The following CSTF3 variants were observed in gnomAD, a reference collection of about 807,000 sequenced individuals.
CSTF3 encodes the protein CF-1 77 kDa subunit.
Under a neutral mutation model 105.8 loss-of-function variants are expected in CSTF3, and 29 were observed. The observed-to-expected ratio is 0.27, with a 90% CI of 0.20 to 0.37. The LOEUF is 0.37. Ranked by LOEUF, CSTF3 falls within the 10% of genes least tolerant of loss-of-function variation. CSTF3 has a pLI of 1.00. For synonymous variants in CSTF3, 252 were observed against 281.9 expected, an observed-to-expected ratio of 0.89 and a Z score of 1.06; for missense variants, 357 against 879.3, an observed-to-expected ratio of 0.41 and a Z score of 7.51.
At position 33,161,446 on chromosome 11, in the gene CSTF3, A is replaced by T; in HGVS notation, c.-121T>A. The T allele has an allele frequency of 9.9e-7, 1 of 1,009,592 alleles. No individual in the cohort carries two copies. The highest frequency in any genetic ancestry group is 1.5e-6 in the Non-Finnish European group (1 of 662,188). 62.5% of individuals were successfully genotyped at this position (1,009,592 alleles called of 1,614,324 possible). A position where few individuals can be genotyped will look rare whatever the true frequency, so the allele number is the denominator to read the frequency against. ...CCCTGCCCAGCTGAGCCAGACCGCC[A>T]ACACCAATCGCCACCGCCCACTCAA... is the stretch of plus-strand genomic sequence containing the variant. On this transcript the variant is annotated 5_prime_UTR_variant, in exon 1 of 21. Coordinates refer to ENST00000323959, the MANE Select transcript of CSTF3 (RefSeq NM_001326.3).
intron 3 of CSTF3, among the ~76,000 whole-genome samples, chr11:33,131,089 T>C (rs1176076443): frequency 1.3e-5 from 2 of 152,198 alleles, no homozygotes; most frequent in Admixed American, 6.5e-5. Context: ...TACAAAGATT[T>C]GCCCCTTTTG....
intron 1 of CSTF3, among the ~76,000 whole-genome samples, 188 bp from the exon 2 acceptor site, chr11:33,142,174 G>A (rs1013198101): frequency 7.3e-5 from 11 of 151,664 alleles, no homozygotes; most frequent in Admixed American, 2.6e-4. Flanking sequence ...TGTGGGCTCC[G>A]CATCCTTATA....
chr11:33,122,878 G>A (rs1480571956), intron 3 of CSTF3, among the ~76,000 whole-genome samples: 1 of 131,824 alleles, frequency 7.6e-6, no homozygotes, highest in Non-Finnish European at 1.5e-5. Context: ...ATCACACACT[G>A]CACTCCAGCC....
chr11:33,125,926 A>C (rs1590276200), intron 3 of CSTF3, among the ~76,000 whole-genome samples: 1 of 152,198 alleles, frequency 6.6e-6, no homozygotes, highest in East Asian at 1.9e-4. Flanking sequence ...AATGTTAATA[A>C]GACATTCTTA....
At chr11:33,105,816 A>G in intron 7 of CSTF3, 67 bp downstream of exon 7, 2 of 1,518,102 alleles carry the variant, frequency 1.3e-6, no homozygotes, top group South Asian at 2.4e-5. Flanking sequence ...AGATTTCTCA[A>G]AGAACTAAAA....
At chr11:33,159,532 G>GC (rs899213367) in intron 1 of CSTF3, among the ~76,000 whole-genome samples, 4 of 142,216 alleles carry the variant, frequency 2.8e-5, no homozygotes, top group African/African-American at 1.1e-4. Context: ...GGAGGCGGAG[G>GC]CTGCAGTAAG....
chr11:33,126,291 C>T (rs756775822), intron 3 of CSTF3, among the ~76,000 whole-genome samples: 5 of 152,034 alleles, frequency 3.3e-5, no homozygotes, highest in African/African-American at 4.8e-5. Flanking sequence ...CTTGTCTCTA[C>T]AATTAATCAG....
At position 33,100,600 on chromosome 11, in the gene CSTF3, A is replaced by T. The variant is rs1855271913; in HGVS notation, c.827-883T>A. 2.6e-5 allele frequency among the ~76,000 whole-genome samples: 4 copies of T among 152,192 alleles called. No homozygotes were observed. The South Asian group carries it at 8.3e-4, about 32-fold the overall frequency. ...CCTATATTCAAGAAGTCTGCAGTATACGGGGAGGACAGACAGAAAGCAAAG... is the reference window on the plus strand; with the variant it reads ...CCTATATTCAAGAAGTCTGCAGTATTCGGGGAGGACAGACAGAAAGCAAAG... On this transcript the variant is annotated intron_variant, in intron 10 of 20. Coordinates refer to ENST00000323959, the MANE Select transcript of CSTF3 (RefSeq NM_001326.3).
intron 1 of CSTF3, among the ~76,000 whole-genome samples, chr11:33,145,279 T>C (rs576471730): frequency 6.6e-6 from 1 of 151,438 alleles, no homozygotes; most frequent in African/African-American, 2.4e-5. Context: ...CTACAAAAAA[T>C]ACAAAGAATT....
At chr11:33,118,744 A>C (rs1855458499) in intron 3 of CSTF3, among the ~76,000 whole-genome samples, 2 of 100,358 alleles carry the variant, frequency 2.0e-5, no homozygotes, top group Non-Finnish European at 5.4e-5. Flanking sequence ...TAAACCTCTG[A>C]TCTAAAAAAA....
At chr11:33,157,375 C>T (rs899887906) in intron 1 of CSTF3, among the ~76,000 whole-genome samples, 16 of 151,806 alleles carry the variant, frequency 1.1e-4, no homozygotes, top group African/African-American at 3.9e-4. Context: ...AAAACAAACA[C>T]AAAAAAACAA....
At chr11:33,110,211 T>C (rs1406809326) in intron 3 of CSTF3, among the ~76,000 whole-genome samples, 1 of 152,158 alleles carries the variant, frequency 6.6e-6, no homozygotes, top group African/African-American at 2.4e-5. Context: ...CCTAAAGTAG[T>C]AGAAATTGAC....
At chr11:33,090,917 C>A (rs1855163052) in intron 16 of CSTF3, among the ~76,000 whole-genome samples, 190 bp from the exon 17 acceptor site, 2 of 152,094 alleles carry the variant, frequency 1.3e-5, no homozygotes, top group Admixed American at 1.3e-4. Flanking sequence ...ACCTATATTG[C>A]TAATATTTTG....
intron 14 of CSTF3, among the ~76,000 whole-genome samples, 183 bp from the exon 15 acceptor site, chr11:33,096,591 G>T (rs7104129): frequency 0.72 from 109,430 of 152,058 alleles, 39,557 homozygotes; most frequent in African/African-American, 0.77. Flanking sequence ...TAGAAATCAC[G>T]AAATAGTGAT....
rs1238067826 is a variant in CSTF3, at chr11:33,086,905, C to T, written c.1795+83G>A. On this transcript the variant is annotated intron_variant, in intron 18 of 20. Coordinates refer to ENST00000323959, the MANE Select transcript of CSTF3 (RefSeq NM_001326.3). ...TAATAATTAACCCACAATTGAGAGG[C>T]CATGTCACTTTACCCCCACGCTTTG... The T allele has an allele frequency of 2.1e-6, 3 of 1,460,326 alleles. No individual in the cohort carries two copies. In the African/African-American group the frequency reaches 4.2e-5, roughly 20 times the overall value. 90.5% of individuals were successfully genotyped at this position (1,460,326 alleles called of 1,614,324 possible). A position where few individuals can be genotyped will look rare whatever the true frequency, so the allele number is the denominator to read the frequency against.
chr11:33,108,400 C>G lies in CSTF3; in HGVS notation c.244G>C (p.Asp82His). Residue 82 changes from aspartate to histidine, a missense_variant, in exon 4 of 21, where the codon GAC becomes CAC. By Grantham distance (81) the Asp-to-His change is moderately conservative (BLOSUM62 -1). Around this residue, in one of 4 missense-constraint regions of CSTF3, gnomAD observed 78 missense variants for 180.4 expected, o/e 0.43. Transcript: ENST00000323959. ...TGAGGACTCACCTTTTCAACCTTGT[C>G]ATAATTTTTAGCTTTAATCTGAAGA... The part of the protein sequence containing the change: ...IEAEIKAKNY[D>H]KVEKLFQRCL... 1 of 1,486,660 alleles carries G rather than the reference C, an allele frequency of 6.7e-7. No homozygotes were observed. The highest frequency in any genetic ancestry group is 9.0e-7 in the Non-Finnish European group (1 of 1,106,572). The allele number at this position is 1,486,660 out of a possible 1,614,324, so 92.1% of individuals were successfully genotyped here. A position where few individuals can be genotyped will look rare whatever the true frequency, so the allele number is the denominator to read the frequency against.
At chr11:33,094,366 A>G (rs1362335220) in intron 15 of CSTF3, among the ~76,000 whole-genome samples, 2 of 152,204 alleles carry the variant, frequency 1.3e-5, no homozygotes, top group Non-Finnish European at 2.9e-5. Flanking sequence ...TGATGCAATT[A>G]TATTTACACA....
At chr11:33,100,637 T>G (rs1320091132) in intron 10 of CSTF3, among the ~76,000 whole-genome samples, 1 of 152,084 alleles carries the variant, frequency 6.6e-6, no homozygotes, top group African/African-American at 2.4e-5. Flanking sequence ...TCAAAAGGAT[T>G]ATGATGATGA....
rs557430107 is a variant in CSTF3, at chr11:33,131,359, C to T, written c.225+10308G>A. On this transcript the variant is annotated intron_variant, in intron 3 of 20. Transcript: ENST00000323959. ...AAATGCCCACCAAAATATTGATAGA[C>T]CTAATACTGAGACAGCTAATGAAGA... 1.3e-3 allele frequency among the ~76,000 whole-genome samples: 199 copies of T among 152,178 alleles called. 1 individual carries two copies. The highest frequency in any genetic ancestry group is 4.4e-3 in the African/African-American group (181 of 41,510).
Sources: gnomAD v4.1 joint callset for allele counts (sites outside exome capture counted in the v4.1 genomes callset) on GRCh38, gnomAD v4.1.1 for gene constraint, gnomAD v4.1.1 regional missense constraint, MANE v1.5 for transcripts, NCBI Gene and HGNC (gene_info 2026-07-23, HGNC 2026-07-21) for gene names.